The following OTUD7B variants were observed in gnomAD, a reference collection of about 807,000 sequenced individuals.
OTUD7B encodes the protein OTU deubiquitinase 7B, also known as OTU domain-containing protein 7B.
OTUD7B carries 34 observed loss-of-function variants against 82.2 expected under a neutral mutation model. The observed-to-expected ratio is 0.41, with a 90% CI of 0.31 to 0.55. OTUD7B has a LOEUF of 0.55. Among genes scored for constraint, OTUD7B ranks in the 20% least tolerant of loss-of-function variants. The probability of loss-of-function intolerance (pLI) is 0.20; values close to 1 mark genes in which losing one functional copy is unlikely to be tolerated. For missense variants in OTUD7B, 944 were observed against 1,062.1 expected, an observed-to-expected ratio of 0.89 and a Z score of 1.55; for synonymous variants, 398 against 402.7, an observed-to-expected ratio of 0.99 and a Z score of 0.14.
chr1:150,009,564 GA>G, intron 1 of OTUD7B, among the ~76,000 whole-genome samples: 1 of 152,348 alleles, frequency 6.6e-6, no homozygotes, highest in East Asian at 1.9e-4. Context: ...AAAGCTGCCT[GA>G]AAAGTTTGTG....
At chr1:150,034,001 T>C in the OTUD7B span, among the ~76,000 whole-genome samples, 50 of 152,246 alleles carry the variant, frequency 3.3e-4, no homozygotes, top group Admixed American at 9.8e-4. Context: ...ATTACAGGCG[T>C]GAGCCACCGC....
Position 149,946,318 on chromosome 1 carries a change from G to A in OTUD7B, c.1323+933C>T, listed in dbSNP as rs587639337. On this transcript the variant is annotated intron_variant, in intron 11 of 11. Coordinates refer to ENST00000581312, the MANE Select transcript of OTUD7B (RefSeq NM_020205.4). ...GTGGAGGTTGCAGTGAGCTGAGATCGTGTCATTGCACTCCAGCCTGGGCAT... is the reference window on the plus strand; with the variant it reads ...GTGGAGGTTGCAGTGAGCTGAGATCATGTCATTGCACTCCAGCCTGGGCAT... Among the ~76,000 whole-genome samples the A allele has an allele frequency of 7.2e-5, 11 of 152,122 alleles. No individual in the cohort carries two copies. In the South Asian group the frequency reaches 1.7e-3, roughly 23 times the overall value.
At position 149,977,304 on chromosome 1, in the gene OTUD7B, T is replaced by A. The variant is rs587756788; in HGVS notation, c.85+122A>T. ...TTATACACAAAGTATATCATTAGAA[T>A]TAACTATAGGGCCTAACCTACACAA... On this transcript the variant is annotated intron_variant, in intron 2 of 11. Coordinates refer to ENST00000581312, the MANE Select transcript of OTUD7B (RefSeq NM_020205.4). The A allele has an allele frequency of 1.7e-5, 12 of 698,454 alleles. 1 individual carries two copies. Among genetic ancestry groups the A allele is most frequent in the East Asian group, 5.1e-5 (2 of 39,518 alleles). 43.3% of individuals were successfully genotyped at this position (698,454 alleles called of 1,614,324 possible).
In OTUD7B at chr1:149,941,509, A is replaced by G. The variant is rs900876259; in HGVS notation, c.*2348T>C. 6.6e-6 allele frequency: 1 copy of G among 152,242 alleles called. No homozygotes were observed. The highest frequency in any genetic ancestry group is 1.5e-5 in the Non-Finnish European group (1 of 68,046). The allele number at this position is 152,242 out of a possible 1,614,324, so 9.4% of individuals were successfully genotyped here. A position where few individuals can be genotyped will look rare whatever the true frequency, so the allele number is the denominator to read the frequency against. On this transcript the variant is annotated 3_prime_UTR_variant, in exon 12 of 12. Transcript: ENST00000581312. The stretch of plus-strand genomic sequence containing the variant: ...ACAGGGACGTAACTAGGGTGAGGTG[A>G]GCAAAGCACTCACCTTGGGCACAAA...
chr1:149,957,684 C>G (rs1648789215), intron 7 of OTUD7B, among the ~76,000 whole-genome samples: 1 of 152,190 alleles, frequency 6.6e-6, no homozygotes, highest in Non-Finnish European at 1.5e-5. Flanking sequence ...TGGGCTCCAC[C>G]CAGTTCGAGC....
At chr1:150,055,988 T>C in the OTUD7B span, among the ~76,000 whole-genome samples, 4 of 152,112 alleles carry the variant, frequency 2.6e-5, no homozygotes, top group Non-Finnish European at 5.9e-5. Context: ...CCCTGTGACA[T>C]GGGTTTATCT....
At chr1:149,977,855 C>T (rs980472304) in intron 1 of OTUD7B, among the ~76,000 whole-genome samples, 22 of 152,196 alleles carry the variant, frequency 1.4e-4, no homozygotes, top group Non-Finnish European at 2.2e-4. Flanking sequence ...CATGAGTTTG[C>T]TTACCCAAAC....
chr1:150,060,776 C>G, the OTUD7B span, among the ~76,000 whole-genome samples: 1 of 152,138 alleles, frequency 6.6e-6, no homozygotes, highest in East Asian at 1.9e-4. Context: ...TACCCTCTAC[C>G]CATCTTAAGA....
At chr1:150,060,182 G>A in the OTUD7B span, among the ~76,000 whole-genome samples, 6 of 152,240 alleles carry the variant, frequency 3.9e-5, no homozygotes, top group Non-Finnish European at 8.8e-5. Flanking sequence ...ATCTAGGGCT[G>A]AAGGATTTAT....
intron 4 of OTUD7B, 107 bp from the exon 5 acceptor site, chr1:149,965,985 G>T: frequency 1.4e-6 from 1 of 734,658 alleles, no homozygotes; most frequent in Non-Finnish European, 2.3e-6. Context: ...GGCCTACCCA[G>T]AATAAAACCA....
At chr1:150,067,209 C>T in the OTUD7B span, 1 of 152,178 alleles carries the variant, frequency 6.6e-6, no homozygotes, top group Non-Finnish European at 1.5e-5. Flanking sequence ...CTCATATGCC[C>T]CTCTGTCTTG....
At chr1:149,977,358 C>T (rs11205306) in intron 2 of OTUD7B, 68 bp downstream of exon 2, 1 of 1,156,510 alleles carries the variant, frequency 8.6e-7, no homozygotes. Context: ...TTAAATGGTC[C>T]AAATCATCCT....
the OTUD7B span, among the ~76,000 whole-genome samples, chr1:150,037,463 C>T: frequency 1.8e-4 from 28 of 152,172 alleles, no homozygotes; most frequent in Non-Finnish European, 3.2e-4. Context: ...CAGATGATAC[C>T]TTATATAAAT....
intron 1 of OTUD7B, among the ~76,000 whole-genome samples, chr1:149,993,010 GC>G (rs1651697406): frequency 6.6e-6 from 1 of 152,060 alleles, no homozygotes; most frequent in Admixed American, 6.5e-5. Context: ...AATTGGCCAG[GC>G]ATGGTGGCAC....
intron 7 of OTUD7B, among the ~76,000 whole-genome samples, chr1:149,957,786 T>G (rs1648799240): frequency 6.6e-6 from 1 of 152,154 alleles, no homozygotes; most frequent in African/African-American, 2.4e-5. Flanking sequence ...TATCTCAGAC[T>G]GCTGTGCTAG....
the OTUD7B span, among the ~76,000 whole-genome samples, chr1:150,017,852 T>C: frequency 2.0e-4 from 31 of 152,200 alleles, no homozygotes; most frequent in Admixed American, 1.4e-3. Flanking sequence ...ACTAAGAACA[T>C]TTCCTAAATT....
chr1:150,051,240 A>AAC, the OTUD7B span, among the ~76,000 whole-genome samples: 1 of 150,970 alleles, frequency 6.6e-6, no homozygotes. Context: ...AAAAAAAAAA[A>AAC]AAAAAAAAAC....
At position 149,948,988 on chromosome 1, in the gene OTUD7B, C is replaced by T. The variant is rs782429859; in HGVS notation, c.1219G>A (p.Asp407Asn). The change falls in exon 10 of 12, where the codon GAC becomes AAC. Residue 407 changes from aspartate to asparagine, a missense_variant. By Grantham distance (23) the Asp-to-Asn change is conservative (BLOSUM62 1). Coordinates refer to ENST00000581312, the MANE Select transcript of OTUD7B (RefSeq NM_020205.4). ...KGWEWGKDDSDNVRLASVILS... is the reference protein window; with the variant it reads ...KGWEWGKDDSNNVRLASVILS... ...GCTTACCTGGCCAATCGGACATTGT[C>T]ACTATCATCTTTGCCCCACTCCCAG... The T allele has an allele frequency of 6.2e-7, 1 of 1,612,294 alleles. No homozygotes were observed. The highest frequency in any genetic ancestry group is 8.5e-7 in the Non-Finnish European group (1 of 1,178,336).
the OTUD7B span, among the ~76,000 whole-genome samples, chr1:150,053,404 T>C: frequency 1.3e-5 from 2 of 151,834 alleles, no homozygotes; most frequent in South Asian, 4.2e-4. Context: ...TTTTTTTCTT[T>C]TTTTTTTTTG....
Sources: allele counts gnomAD v4.1 joint callset (sites outside exome capture counted in the v4.1 genomes callset), GRCh38; gene constraint gnomAD v4.1.1; transcripts MANE v1.5; gene names NCBI Gene and HGNC (gene_info 2026-07-23, HGNC 2026-07-21).